The following RALGAPA1 variants were observed in gnomAD, a reference collection of about 807,000 sequenced individuals.
The protein encoded by RALGAPA1 is ral GTPase-activating protein subunit alpha-1.
Under a neutral mutation model 269.6 loss-of-function variants are expected in RALGAPA1, and 52 were observed. The ratio of observed to expected loss-of-function variants is 0.19; its 90% confidence interval spans 0.15 to 0.24. The LOEUF is 0.24. Ranked by LOEUF, RALGAPA1 falls within the 10% of genes least tolerant of loss-of-function variation. RALGAPA1 has a pLI of 1.00. For synonymous variants in RALGAPA1, 817 were observed against 1,008.3 expected, an observed-to-expected ratio of 0.81 and a Z score of 3.60; for missense variants, 1,917 against 3,013.9, an observed-to-expected ratio of 0.64 and a Z score of 8.52.
At chr14:35,673,332 G>A (rs2064648505) in intron 24 of RALGAPA1, among the ~76,000 whole-genome samples, 1 of 152,180 alleles carries the variant, frequency 6.6e-6, no homozygotes, top group Non-Finnish European at 1.5e-5. Flanking sequence ...AAGGCAGAAG[G>A]GTCTCTTGAG....
chr14:35,642,650 C>A (rs1475405853), intron 31 of RALGAPA1, among the ~76,000 whole-genome samples: 3 of 152,136 alleles, frequency 2.0e-5, no homozygotes, highest in African/African-American at 7.2e-5. Context: ...CCATCTCACA[C>A]CAGTTAGAAT....
At chr14:35,579,962 G>C (rs2057846087) in intron 37 of RALGAPA1, among the ~76,000 whole-genome samples, 1 of 151,832 alleles carries the variant, frequency 6.6e-6, no homozygotes, top group African/African-American at 2.4e-5. Context: ...ATAGTTCTTT[G>C]GAAAGTATCT....
At chr14:35,674,966 G>A (rs1043875507) in intron 22 of RALGAPA1, among the ~76,000 whole-genome samples, 3 of 152,036 alleles carry the variant, frequency 2.0e-5, no homozygotes, top group Non-Finnish European at 4.4e-5. Flanking sequence ...TGCAGATAGA[G>A]AAATTTCTAT....
chr14:35,701,818 T>C (rs1488976494), intron 16 of RALGAPA1, among the ~76,000 whole-genome samples: 5 of 151,888 alleles, frequency 3.3e-5, no homozygotes, highest in African/African-American at 1.2e-4. Context: ...AATTTTTTTT[T>C]CTCTATTTTT....
intron 31 of RALGAPA1, among the ~76,000 whole-genome samples, chr14:35,644,979 C>A (rs1356421990): frequency 6.6e-6 from 1 of 152,130 alleles, no homozygotes; most frequent in Non-Finnish European, 1.5e-5. Context: ...TAATTAGATA[C>A]CATCTTATTC....
chr14:35,718,565 T>C (rs1330238210), intron 16 of RALGAPA1, among the ~76,000 whole-genome samples: 3 of 152,064 alleles, frequency 2.0e-5, no homozygotes, highest in African/African-American at 7.2e-5. Context: ...CCTGTAATCC[T>C]AGTACTTTGG....
At chr14:35,657,570 G>C (rs1451676574) in intron 28 of RALGAPA1, among the ~76,000 whole-genome samples, 1 of 151,678 alleles carries the variant, frequency 6.6e-6, no homozygotes, top group Non-Finnish European at 1.5e-5. Context: ...CAACTTCTGG[G>C]GTTTTTCCAT....
At chr14:35,645,647 G>A (rs1278887592) in intron 31 of RALGAPA1, among the ~76,000 whole-genome samples, 3 of 150,960 alleles carry the variant, frequency 2.0e-5, no homozygotes, top group Non-Finnish European at 4.4e-5. Context: ...GGAGAATGGC[G>A]TGAACCCGGG....
At chr14:35,710,861 G>A (rs1224014425) in intron 16 of RALGAPA1, among the ~76,000 whole-genome samples, 2 of 151,894 alleles carry the variant, frequency 1.3e-5, no homozygotes, top group Admixed American at 6.6e-5. Context: ...GTTACATATT[G>A]CACACGTTTG....
In RALGAPA1 at chr14:35,809,198, C is replaced by G. The variant is rs2142007934; in HGVS notation, c.-363G>C. ...GACCCAGAGCCACGAAGGTGGAGCT[C>G]TCGGCGGCAGGAGCACAACTCTCTC... On this transcript the variant is annotated 5_prime_UTR_variant, in exon 1 of 42. Transcript: ENST00000680220. 1.2e-5 allele frequency: 3 copies of G among 244,532 alleles called. No homozygotes were observed. Among genetic ancestry groups the G allele is most frequent in the South Asian group, 1.3e-4 (2 of 15,750 alleles). The allele number at this position is 244,532 out of a possible 1,614,324, so 15.1% of individuals were successfully genotyped here.
At chr14:35,769,438 T>G (rs1402622865) in intron 4 of RALGAPA1, among the ~76,000 whole-genome samples, 1 of 151,990 alleles carries the variant, frequency 6.6e-6, no homozygotes, top group East Asian at 1.9e-4. Flanking sequence ...TAATAGACAT[T>G]GGGAAGTACT....
intron 34 of RALGAPA1, among the ~76,000 whole-genome samples, chr14:35,626,388 C>G (rs1046305490): frequency 2.0e-5 from 3 of 152,122 alleles, no homozygotes; most frequent in Non-Finnish European, 4.4e-5. Context: ...AATACATTAC[C>G]CCTCCTTCCA....
chr14:35,712,240 CAAAAAAA>C (rs58184723), intron 16 of RALGAPA1, among the ~76,000 whole-genome samples: 1 of 57,374 alleles, frequency 1.7e-5, no homozygotes, highest in South Asian at 5.2e-4. Flanking sequence ...GAGCATGTCT[CAAAAAAA>C]AAAAAAAAAA....
intron 16 of RALGAPA1, 124 bp downstream of exon 16, chr14:35,721,564 A>T: frequency 1.3e-6 from 1 of 798,532 alleles, no homozygotes. Context: ...AGGCTTTGCT[A>T]TAGCAGTTTT....
chr14:35,621,623 G>A (rs1242917919), intron 35 of RALGAPA1, among the ~76,000 whole-genome samples: 1 of 152,010 alleles, frequency 6.6e-6, no homozygotes, highest in Non-Finnish European at 1.5e-5. Context: ...TTCTGACAAA[G>A]GGCTAATACC....
intron 1 of RALGAPA1, among the ~76,000 whole-genome samples, chr14:35,806,911 C>T (rs944767694): frequency 2.6e-5 from 4 of 152,114 alleles, no homozygotes; most frequent in African/African-American, 4.8e-5. Context: ...AACAAAATAA[C>T]GACAACAATA....
intron 13 of RALGAPA1, among the ~76,000 whole-genome samples, chr14:35,726,883 T>C (rs1297644619): frequency 6.6e-6 from 1 of 152,114 alleles, no homozygotes; most frequent in Non-Finnish European, 1.5e-5. Context: ...GTCCACTGCT[T>C]AACAGCTGTG....
At chr14:35,762,869 T>G in intron 4 of RALGAPA1, 116 bp from the exon 5 acceptor site, 1 of 662,522 alleles carries the variant, frequency 1.5e-6, no homozygotes, top group Non-Finnish European at 2.7e-6. Flanking sequence ...CAAATTATTC[T>G]TGGTGACCTT....
chr14:35,740,119 A>G (rs1226438142), intron 11 of RALGAPA1, among the ~76,000 whole-genome samples: 1 of 152,106 alleles, frequency 6.6e-6, no homozygotes. Flanking sequence ...TATCTCTTCC[A>G]TGAAGCATTC....
Sources: gnomAD v4.1 joint callset for allele counts (sites outside exome capture counted in the v4.1 genomes callset) on GRCh38, gnomAD v4.1.1 for gene constraint, MANE v1.5 for transcripts, NCBI Gene and HGNC (gene_info 2026-07-23, HGNC 2026-07-21) for gene names.